Variants in PHKG1 observed in about 807,000 individuals in gnomAD.
PHKG1 encodes the protein phosphorylase b kinase gamma catalytic chain, skeletal muscle/heart isoform.
Under a neutral mutation model 50.5 loss-of-function variants are expected in PHKG1, and 48 were observed. That is an observed-to-expected ratio of 0.95 (90% CI 0.75 to 1.21). The LOEUF (loss-of-function observed/expected upper bound fraction) is 1.21. PHKG1 is among the 50% of genes most tolerant of loss of function. The pLI is 0.00. For synonymous variants in PHKG1, 204 were observed against 212.8 expected (o/e 0.96, Z 0.36); for missense variants, 487 against 519.5 (o/e 0.94, Z 0.61).
At chr7:56,084,362 G>A in intron 4 of PHKG1, 2 of 513,380 alleles carry the variant, frequency 3.9e-6, no homozygotes, top group East Asian at 3.7e-5. Context: ...AAGGACGTGA[G>A]TATCCCGATT....
rs1795968750 is a variant in PHKG1 at position 56,081,241 on chromosome 7, T to G, written c.977A>C (p.Lys326Thr). The G allele has an allele frequency of 1.9e-6, 3 of 1,613,316 alleles. No homozygotes were observed. The African/African-American group carries it at 4.0e-5, about 22-fold the overall frequency. ...GATGACGATCTCCCGGGTCACAGGCTTCACCCGGCGGTACTGGTAGTAGAT... is the reference window on the plus strand; with the variant it reads ...GATGACGATCTCCCGGGTCACAGGCGTCACCCGGCGGTACTGGTAGTAGAT... Reference protein sequence around the residue: ...VRIYYQYRRVKPVTREIVIRD... With the variant: ...VRIYYQYRRVTPVTREIVIRD... The change falls in exon 10 of 10, where the codon AAG (lysine) becomes ACG (threonine). Residue 326 changes from lysine to threonine, a missense_variant. Coordinates refer to ENST00000297373, the MANE Select transcript of PHKG1 (RefSeq NM_006213.5). The surrounding 1 kb of genome is among the most constrained non-coding windows in gnomAD (Gnocchi z 4.6).
At chr7:56,090,344 G>T (rs1035119503) in intron 1 of PHKG1, among the ~76,000 whole-genome samples, 1 of 152,050 alleles carries the variant, frequency 6.6e-6, no homozygotes, top group African/African-American at 2.4e-5. Flanking sequence ...TCAAACTCCT[G>T]ACTGCAAATG....
At chr7:56,084,853 G>C (rs1796188692) in intron 4 of PHKG1, among the ~76,000 whole-genome samples, 1 of 152,186 alleles carries the variant, frequency 6.6e-6, no homozygotes, top group South Asian at 2.1e-4. Flanking sequence ...CCTCAGGGCA[G>C]CATTAAAAAT....
intron 4 of PHKG1, chr7:56,084,269 G>GAACTA: frequency 7.5e-7 from 1 of 1,338,940 alleles, no homozygotes; most frequent in Non-Finnish European, 1.0e-6. Context: ...GTGTGGACTG[G>GAACTA]GATGTATCGG....
At position 56,081,957 on chromosome 7, in the gene PHKG1, A is replaced by C. The variant is rs757583640; in HGVS notation, c.728T>G (p.Met243Arg). 6.2e-7 allele frequency: 1 copy of C among 1,613,962 alleles called. No individual in the cohort carries two copies. The highest frequency in any genetic ancestry group is 8.5e-7 in the Non-Finnish European group (1 of 1,180,024). ...CGAGCCAAACTGGTAGTTGCCGCTC[A>C]TGATCATCCTCAGCATCAGCATCTG... ...RKQMLMLRMI[M>R]SGNYQFGSPE... is the part of the protein sequence containing the mutation. Residue 243 changes from methionine to arginine, a missense_variant, in exon 8 of 10, where the codon ATG becomes AGG. Physicochemically the swap from Met to Arg is moderately conservative, Grantham distance 91. Transcript: ENST00000297373. This position sits in a 1 kb window ranked among gnomAD's most constrained non-coding sequence, Gnocchi z 4.6.
intron 6 of PHKG1, among the ~76,000 whole-genome samples, chr7:56,082,996 C>T (rs1334373491): frequency 1.3e-5 from 2 of 151,742 alleles, no homozygotes; most frequent in African/African-American, 4.8e-5. Flanking sequence ...ATCACAGCTA[C>T]TCAGGAGGTT....
chr7:56,081,251 G>C lies in PHKG1; in HGVS notation c.967C>G (p.Arg323Gly). The C allele has an allele frequency of 1.2e-6, 2 of 1,613,104 alleles. No homozygotes were observed. Among genetic ancestry groups the C allele is most frequent in the South Asian group, 1.1e-5 (1 of 91,076 alleles). The change falls in exon 10 of 10, where the codon CGC becomes GGC. Residue 323 changes from arginine to glycine, a missense_variant. Transcript: ENST00000297373. This position sits in a 1 kb window ranked among gnomAD's most constrained non-coding sequence, Gnocchi z 4.6. ...TCCCGGGTCACAGGCTTCACCCGGC[G>C]GTACTGGTAGTAGATCCGCACTGAA... is the stretch of plus-strand genomic sequence containing the variant. ...LASVRIYYQY[R>G]RVKPVTREIV...
Position 56,081,684 on chromosome 7 carries a change from G to A in PHKG1, c.864C>T (p.Phe288=), listed in dbSNP as rs1027481956. 1.9e-6 allele frequency: 3 copies of A among 1,613,996 alleles called. No homozygotes were observed. The highest frequency in any genetic ancestry group is 2.7e-5 in the African/African-American group (2 of 75,060). Residue 288 remains phenylalanine (F), a synonymous_variant, in exon 9 of 10, where the codon TTC becomes TTT. Coordinates refer to ENST00000297373, the MANE Select transcript of PHKG1 (RefSeq NM_006213.5). The surrounding 1 kb of genome is among the most constrained non-coding windows in gnomAD (Gnocchi z 4.6). ...GCACTTCCTCCACCAAGTACTGCTG[G>A]AAGAAGGGGTGTGCCAAGGCCTCTT... ...TAEEALAHPF[F]QQYLVEEVRH...
intron 4 of PHKG1, chr7:56,086,758 A>G (rs944252986): frequency 6.7e-5 from 38 of 570,466 alleles, no homozygotes; most frequent in Non-Finnish European, 9.8e-5. Context: ...GAAAACCAAG[A>G]TTTAAAGAAA....
At chr7:56,083,148 C>A in intron 6 of PHKG1, 130 bp downstream of exon 6, 1 of 772,892 alleles carries the variant, frequency 1.3e-6, no homozygotes. Flanking sequence ...AAATCCCTAG[C>A]CCTTGAAATG....
chr7:56,084,700 A>C (rs1016767518), intron 4 of PHKG1, among the ~76,000 whole-genome samples: 4 of 152,082 alleles, frequency 2.6e-5, no homozygotes, highest in Non-Finnish European at 4.4e-5. Flanking sequence ...CCCAGGAAAC[A>C]AATGGGAAGA....
rs151274553 is a variant in PHKG1 at position 56,081,083 on chromosome 7, G to A, written c.1135C>T (p.Leu379Phe). Reference protein sequence around the residue: ...ALFENTPKAVLLSLAEEDY With the variant: ...ALFENTPKAVFLSLAEEDY The stretch of plus-strand genomic sequence containing the variant: ...TAGTCCTCCTCGGCCAGGGAGAGGA[G>A]CACGGCCTTGGGTGTGTTCTCGAAA... The change falls in exon 10 of 10, where the codon CTC becomes TTC. Residue 379 changes from leucine (L) to phenylalanine (F), a missense_variant. Leu to Phe is a conservative substitution (Grantham distance 22). Transcript: ENST00000297373. The surrounding 1 kb of genome is among the most constrained non-coding windows in gnomAD (Gnocchi z 4.6). 2.7e-4 allele frequency: 430 copies of A among 1,612,900 alleles called. No individual in the cohort carries two copies. The highest frequency in any genetic ancestry group is 2.3e-3 in the African/African-American group (176 of 75,026).
Position 56,080,808 on chromosome 7 carries a change from C to T in PHKG1, c.*246G>A. ...AGAGGAGCAGGGGGTTCCTGGTTCT[C>T]AGGCCACGTGTGATCTCTGCCCACC... is the stretch of plus-strand genomic sequence containing the variant. On this transcript the variant is annotated 3_prime_UTR_variant, in exon 10 of 10. Transcript: ENST00000297373. The T allele has an allele frequency of 1.8e-6, 1 of 547,658 alleles. No homozygotes were observed. The highest frequency in any genetic ancestry group is 3.3e-6 in the Non-Finnish European group (1 of 305,432). 33.9% of individuals were successfully genotyped at this position (547,658 alleles called of 1,614,324 possible). A position where few individuals can be genotyped will look rare whatever the true frequency, so the allele number is the denominator to read the frequency against.
intron 4 of PHKG1, among the ~76,000 whole-genome samples, chr7:56,086,404 G>A (rs1796253676): frequency 6.6e-6 from 1 of 152,120 alleles, no homozygotes; most frequent in African/African-American, 2.4e-5. Context: ...CAGGCACGGT[G>A]GCTTATGCCT....
At chr7:56,083,184 T>G in intron 6 of PHKG1, 94 bp downstream of exon 6, 2 of 1,093,784 alleles carry the variant, frequency 1.8e-6, no homozygotes, top group African/African-American at 1.6e-5. Flanking sequence ...CAGGGAACAA[T>G]TAAGTTAGGG....
intron 2 of PHKG1, among the ~76,000 whole-genome samples, chr7:56,088,344 C>T (rs35007015): frequency 0.025 from 2,887 of 114,112 alleles, 54 homozygotes; most frequent in Admixed American, 0.067. Flanking sequence ...CTGTGCCTGG[C>T]CCCCCCTTTT....
intron 3 of PHKG1, among the ~76,000 whole-genome samples, 170 bp from the exon 4 acceptor site, chr7:56,087,194 T>TTTATTATTATCATTATTA: frequency 7.3e-6 from 1 of 136,086 alleles, no homozygotes; most frequent in Non-Finnish European, 1.6e-5. Context: ...GCCCAGGGAC[T>TTTATTATTATCATTATTA]TTATTATTAT....
chr7:56,088,683 T>C (rs1013239047), intron 2 of PHKG1, 176 bp downstream of exon 2: 24 of 521,020 alleles, frequency 4.6e-5, no homozygotes, highest in African/African-American at 4.1e-4. Context: ...GGGAGAGGTT[T>C]CTCTTATCTG....
Position 56,081,185 on chromosome 7 carries a change from G to A in PHKG1, c.1033C>T (p.Arg345Trp), listed in dbSNP as rs200414353. 53 of 1,613,940 alleles carry A rather than the reference G, an allele frequency of 3.3e-5. No individual in the cohort carries two copies. The highest frequency in any genetic ancestry group is 8.9e-5 in the East Asian group (4 of 44,878). The change falls in exon 10 of 10, where the codon CGG becomes TGG. Residue 345 changes from arginine to tryptophan, a missense_variant. Arg to Trp is a moderately radical substitution (Grantham distance 101). Coordinates refer to ENST00000297373, the MANE Select transcript of PHKG1 (RefSeq NM_006213.5). The surrounding 1 kb of genome is among the most constrained non-coding windows in gnomAD (Gnocchi z 4.6). ...RDPYALRPLR[R>W]LIDAYAFRIY... is the part of the protein sequence containing the mutation. ...CGGAAAGCGTAGGCGTCGATGAGCC[G>A]GCGCAGAGGCCGGAGGGCATAGGGG...
Sources: allele counts gnomAD v4.1 joint callset (sites outside exome capture counted in the v4.1 genomes callset), GRCh38; gene constraint gnomAD v4.1.1; non-coding constraint Gnocchi (gnomAD v3.1); transcripts MANE v1.5; gene names NCBI Gene and HGNC (gene_info 2026-07-23, HGNC 2026-07-21).